Variants in QTGAL observed in about 807,000 individuals in gnomAD.
QTGAL encodes the protein queuosine-tRNA galactosyltransferase.
chr17:83,014,426 T>C, the QTGAL span: 1 of 1,607,674 alleles, frequency 6.2e-7, no homozygotes, highest in Admixed American at 1.7e-5. Context: ...CTAAAGGTAG[T>C]AACGACACTA....
the QTGAL span, among the ~76,000 whole-genome samples, chr17:83,010,545 C>A: frequency 1.3e-5 from 2 of 152,250 alleles, no homozygotes; most frequent in Non-Finnish European, 2.9e-5. Flanking sequence ...GCTCACAGGG[C>A]TGGGGGCCGT....
chr17:82,968,209 T>A, the QTGAL span, among the ~76,000 whole-genome samples: 1 of 151,952 alleles, frequency 6.6e-6, no homozygotes, highest in African/African-American at 2.4e-5. Flanking sequence ...CCCAGCACCG[T>A]CCCCGTGTGT....
the QTGAL span, among the ~76,000 whole-genome samples, chr17:82,970,582 C>A: frequency 1.5e-5 from 2 of 131,792 alleles, no homozygotes; most frequent in Non-Finnish European, 1.5e-5. Flanking sequence ...CCGGCGTGGC[C>A]GCGACCTCCG....
the QTGAL span, chr17:82,942,257 C>T: frequency 8.0e-5 from 55 of 689,954 alleles, no homozygotes; most frequent in East Asian, 1.9e-4. Context: ...GGTGCCCTTC[C>T]GAGGACACGT....
the QTGAL span, among the ~76,000 whole-genome samples, chr17:82,976,578 A>C: frequency 1.1e-5 from 1 of 91,548 alleles, no homozygotes; most frequent in East Asian, 3.3e-4. Flanking sequence ...ATGGGGAACA[A>C]GGGCCCCGGG....
the QTGAL span, among the ~76,000 whole-genome samples, chr17:83,017,094 C>G: frequency 1.3e-5 from 2 of 152,092 alleles, no homozygotes; most frequent in Non-Finnish European, 2.9e-5. Flanking sequence ...AATATCCAGA[C>G]ACAGAAAGAC....
At chr17:82,977,886 T>C in the QTGAL span, among the ~76,000 whole-genome samples, 2 of 152,132 alleles carry the variant, frequency 1.3e-5, no homozygotes, top group Non-Finnish European at 2.9e-5. Context: ...TTCTGTCTTC[T>C]CATCACCGGG....
the QTGAL span, among the ~76,000 whole-genome samples, chr17:83,018,464 T>G: frequency 6.6e-6 from 1 of 152,212 alleles, no homozygotes; most frequent in Admixed American, 6.5e-5. Flanking sequence ...CATACACTTT[T>G]TTTTTATATT....
the QTGAL span, among the ~76,000 whole-genome samples, chr17:83,049,426 T>C: frequency 6.6e-6 from 1 of 150,538 alleles, no homozygotes; most frequent in East Asian, 2.0e-4. Context: ...TTTTTTTTTT[T>C]TTCTGAGATG....
At chr17:83,051,195 G>T in the QTGAL span, among the ~76,000 whole-genome samples, 17 of 149,662 alleles carry the variant, frequency 1.1e-4, no homozygotes, top group Non-Finnish European at 2.1e-4. Flanking sequence ...AGGCGTGCAG[G>T]GGCAAGGCAG....
the QTGAL span, among the ~76,000 whole-genome samples, chr17:82,986,705 AC>A: frequency 6.6e-6 from 1 of 152,362 alleles, no homozygotes; most frequent in East Asian, 1.9e-4. Context: ...CATAAACAGC[AC>A]CAACGTTAGA....
the QTGAL span, among the ~76,000 whole-genome samples, chr17:83,050,977 C>G: frequency 6.7e-6 from 1 of 148,326 alleles, no homozygotes; most frequent in South Asian, 2.1e-4. Context: ...GAATGTGTGA[C>G]GGCAGACGTG....
chr17:82,956,508 G>A, the QTGAL span, among the ~76,000 whole-genome samples: 1 of 152,208 alleles, frequency 6.6e-6, no homozygotes, highest in African/African-American at 2.4e-5. The surrounding 1 kb of genome is among the most constrained non-coding windows in gnomAD (Gnocchi z 5.7). Context: ...TGCCCCCAGG[G>A]CAGCGGCCAC....
the QTGAL span, among the ~76,000 whole-genome samples, chr17:83,040,352 C>T: frequency 6.6e-6 from 1 of 152,112 alleles, no homozygotes; most frequent in South Asian, 2.1e-4. Context: ...TTTTCAGCCC[C>T]ATGCAATATA....
chr17:83,005,815 C>T, the QTGAL span: 1 of 1,190,252 alleles, frequency 8.4e-7, no homozygotes, highest in Non-Finnish European at 1.1e-6. The surrounding 1 kb of genome is among the most constrained non-coding windows in gnomAD (Gnocchi z 5.6). Flanking sequence ...AGCCTCAGAG[C>T]ATCACCTGCC....
the QTGAL span, among the ~76,000 whole-genome samples, chr17:82,971,597 C>G: frequency 2.7e-5 from 4 of 149,792 alleles, no homozygotes; most frequent in African/African-American, 9.8e-5. Context: ...GCCAGAAGGA[C>G]CCGGTACTGA....
the QTGAL span, chr17:82,942,487 C>G: frequency 6.2e-7 from 1 of 1,613,988 alleles, no homozygotes; most frequent in South Asian, 1.1e-5. Context: ...GCCCATACCT[C>G]ACCCCTGCCT....
chr17:83,029,169 A>G, the QTGAL span, among the ~76,000 whole-genome samples: 5 of 152,168 alleles, frequency 3.3e-5, no homozygotes, highest in Admixed American at 2.6e-4. Context: ...CAAAACACAC[A>G]TTATCCATGT....
At chr17:82,957,111 C>G in the QTGAL span, 5 of 1,592,360 alleles carry the variant, frequency 3.1e-6, no homozygotes, top group Non-Finnish European at 4.3e-6. Flanking sequence ...GGGGAAGGCT[C>G]GGAGCAGCTG....
Sources: gnomAD v4.1 joint callset for allele counts (sites outside exome capture counted in the v4.1 genomes callset) on GRCh38, gnomAD v4.1.1 for gene constraint, Gnocchi (gnomAD v3.1) non-coding constraint, MANE v1.5 for transcripts, NCBI Gene and HGNC (gene_info 2026-07-23, HGNC 2026-07-21) for gene names.